FAM193A: variants seen among roughly 807,000 people sequenced by gnomAD.
The protein encoded by FAM193A is family with sequence similarity 193 member A.
A neutral mutation model predicts 126.5 loss-of-function variants in FAM193A; 22 were observed. That is an observed-to-expected ratio of 0.17 (90% CI 0.12 to 0.25). The LOEUF is 0.25. FAM193A is among the 10% of genes least tolerant of loss of function. The pLI is 1.00. For synonymous variants in FAM193A, 761 were observed against 646.8 expected (o/e 1.18, Z -2.68); for missense variants, 1,675 against 1,672.8 (o/e 1.00, Z -0.02).
intron 6 of FAM193A, among the ~76,000 whole-genome samples, chr4:2,640,428 G>C (rs532604595): frequency 6.6e-6 from 1 of 152,312 alleles, no homozygotes; most frequent in South Asian, 2.1e-4. Flanking sequence ...CTCGGGGTCA[G>C]AGTGAGAAGA....
In FAM193A at chr4:2,699,892, C is replaced by T. The variant is rs765200506; in HGVS notation, c.3720C>T (p.Asp1240=). The change falls in exon 19 of 21, where the codon GAC becomes GAT. Residue 1240 remains aspartate, a synonymous_variant. Coordinates refer to ENST00000637812, the MANE Select transcript of FAM193A (RefSeq NM_001366318.2). The stretch of plus-strand genomic sequence containing the variant: ...CAAGTAAAGACTGCCCCAAGTTGGA[C>T]ATGCTCACTAGAAATTTCCAGGCAG... The part of the protein sequence containing the change: ...ERPSKDCPKL[D]MLTRNFQAAT... The T allele has an allele frequency of 6.2e-7, 1 of 1,614,106 alleles. No homozygotes were observed. Among genetic ancestry groups the T allele is most frequent in the South Asian group, 1.1e-5 (1 of 91,080 alleles).
At chr4:2,638,767 G>A (rs1392133646) in intron 5 of FAM193A, among the ~76,000 whole-genome samples, 1 of 152,050 alleles carries the variant, frequency 6.6e-6, no homozygotes, top group African/African-American at 2.4e-5. Flanking sequence ...TACCAACTAG[G>A]GTTATTAGGT....
chr4:2,700,042 A>C lies in FAM193A; in HGVS notation c.3870A>C (p.Leu1290=). Reference sequence around the variant, plus strand: ...ACCACTCAGAGCCCAGGCCAGGGCTAGGGGCTGATGGGGATGCTGCAGACC... The same window carrying C: ...ACCACTCAGAGCCCAGGCCAGGGCTCGGGGCTGATGGGGATGCTGCAGACC... ...HMNHSEPRPG[L]GADGDAADPV... The change falls in exon 19 of 21, where the codon CTA becomes CTC. Residue 1290 remains leucine (L), a synonymous_variant. Coordinates refer to ENST00000637812, the MANE Select transcript of FAM193A (RefSeq NM_001366318.2). 6.2e-7 allele frequency: 1 copy of C among 1,613,980 alleles called. No homozygotes were observed.
At chr4:2,719,088 G>A (rs1719840443) in intron 20 of FAM193A, among the ~76,000 whole-genome samples, 1 of 152,162 alleles carries the variant, frequency 6.6e-6, no homozygotes, top group Admixed American at 6.5e-5. Flanking sequence ...TTTGTTTTAT[G>A]AGACAAGTAA....
intron 1 of FAM193A, among the ~76,000 whole-genome samples, chr4:2,567,088 C>T (rs913739273): frequency 4.6e-5 from 7 of 151,822 alleles, no homozygotes; most frequent in African/African-American, 9.7e-5. Flanking sequence ...TACAGGCGCC[C>T]GCCACCATGC....
chr4:2,576,744 C>T (rs907907719), intron 1 of FAM193A, among the ~76,000 whole-genome samples: 5 of 152,192 alleles, frequency 3.3e-5, no homozygotes, highest in Non-Finnish European at 5.9e-5. Context: ...CTGTTCTAAA[C>T]ATCTATATAT....
chr4:2,638,675 A>G (rs1196742625), intron 5 of FAM193A, among the ~76,000 whole-genome samples: 1 of 152,232 alleles, frequency 6.6e-6, no homozygotes. Flanking sequence ...TAGCAGTATC[A>G]CTGGTGTGCT....
In FAM193A at chr4:2,576,288, CG is replaced by C. The variant is rs1224789194; in HGVS notation, c.256-19792del. Among the ~76,000 whole-genome samples the C allele has an allele frequency of 3.9e-5, 6 of 151,974 alleles. No individual in the cohort carries two copies. The East Asian group carries it at 1.2e-3, about 30-fold the overall frequency. On this transcript the variant is annotated intron_variant, in intron 1 of 20. Coordinates refer to ENST00000637812, the MANE Select transcript of FAM193A (RefSeq NM_001366318.2). ...AATTCTTTTGTAATTTTAGTGGAGA[CG>C]GGGTTTCACTATGTTGGCCAGGCTG...
intron 1 of FAM193A, among the ~76,000 whole-genome samples, chr4:2,552,827 G>A (rs955522767): frequency 4.7e-5 from 7 of 150,212 alleles, no homozygotes; most frequent in African/African-American, 1.7e-4. Flanking sequence ...GTGAGCCACC[G>A]CGCCCGGCCA....
intron 2 of FAM193A, among the ~76,000 whole-genome samples, chr4:2,599,228 T>C (rs1160673535): frequency 1.3e-5 from 2 of 151,638 alleles, no homozygotes; most frequent in Admixed American, 6.6e-5. Context: ...TTTTTTTTTT[T>C]CTAACCACTT....
At chr4:2,562,193 A>G (rs753496141) in intron 1 of FAM193A, among the ~76,000 whole-genome samples, 118 of 152,238 alleles carry the variant, frequency 7.8e-4, no homozygotes, top group Non-Finnish European at 1.6e-3. Context: ...CATCCCTATA[A>G]TCGCAGCACT....
At chr4:2,616,468 A>G (rs1233603680) in intron 2 of FAM193A, among the ~76,000 whole-genome samples, 1 of 152,104 alleles carries the variant, frequency 6.6e-6, no homozygotes, top group African/African-American at 2.4e-5. Flanking sequence ...CATTTAATGT[A>G]ATTAGTGATC....
At chr4:2,697,459 C>T (rs1717169251) in intron 18 of FAM193A, among the ~76,000 whole-genome samples, 1 of 152,218 alleles carries the variant, frequency 6.6e-6, no homozygotes, top group East Asian at 1.9e-4. Flanking sequence ...TGTCAGGCTC[C>T]AAGAACCAGA....
chr4:2,720,017 A>G, intron 20 of FAM193A: 1 of 219,658 alleles, frequency 4.6e-6, no homozygotes, highest in Non-Finnish European at 9.8e-6. Flanking sequence ...CTGGTCTCGA[A>G]CTCCTGGCCT....
intron 2 of FAM193A, among the ~76,000 whole-genome samples, chr4:2,621,979 G>A (rs933667581): frequency 6.6e-6 from 1 of 152,140 alleles, no homozygotes; most frequent in Non-Finnish European, 1.5e-5. Context: ...ATGTGGCTTA[G>A]TGTGGTGGCT....
chr4:2,569,547 G>A (rs935429761), intron 1 of FAM193A, among the ~76,000 whole-genome samples: 3 of 152,020 alleles, frequency 2.0e-5, no homozygotes, highest in Admixed American at 6.6e-5. Context: ...CACCCGGTCC[G>A]GAGTGCAGTG....
At chr4:2,602,876 T>C (rs986566698) in intron 2 of FAM193A, among the ~76,000 whole-genome samples, 2 of 150,120 alleles carry the variant, frequency 1.3e-5, no homozygotes, top group African/African-American at 4.9e-5. Context: ...TAGCCAGGAT[T>C]GTCTGGATCT....
At chr4:2,542,819 C>G (rs1047994773) in intron 1 of FAM193A, among the ~76,000 whole-genome samples, 2 of 152,238 alleles carry the variant, frequency 1.3e-5, no homozygotes, top group African/African-American at 4.8e-5. Flanking sequence ...CAGGAGTGGT[C>G]ACAGTCCCAC....
chr4:2,559,459 C>G (rs1190819832), intron 1 of FAM193A, among the ~76,000 whole-genome samples: 1 of 152,206 alleles, frequency 6.6e-6, no homozygotes, highest in Non-Finnish European at 1.5e-5. Context: ...GAGACAGGGT[C>G]TTGCTCTGTC....
Sources: allele counts gnomAD v4.1 joint callset (sites outside exome capture counted in the v4.1 genomes callset), GRCh38; gene constraint gnomAD v4.1.1; transcripts MANE v1.5; gene names NCBI Gene and HGNC (gene_info 2026-07-23, HGNC 2026-07-21).